Variants in SUGCT observed in about 807,000 individuals in gnomAD.
SUGCT encodes the protein succinyl-CoA:glutarate-CoA transferase.
In SUGCT, 41 loss-of-function variants were observed where a neutral mutation model predicts 55.0. The ratio of observed to expected loss-of-function variants is 0.74; its 90% CI spans 0.58 to 0.97. The LOEUF is 0.97. Ranked by LOEUF, SUGCT falls within the 50% of genes least tolerant of loss-of-function variation. The pLI, the probability that SUGCT is intolerant of heterozygous loss-of-function variation, is 0.00. For missense variants in SUGCT, 568 were observed against 547.8 expected, an observed-to-expected ratio of 1.04 and a Z score of -0.37; for synonymous variants, 187 against 200.4, an observed-to-expected ratio of 0.93 and a Z score of 0.56.
chr7:40,606,794 C>T (rs1798554889), intron 12 of SUGCT, among the ~76,000 whole-genome samples: 1 of 152,048 alleles, frequency 6.6e-6, no homozygotes, highest in African/African-American at 2.4e-5. Flanking sequence ...TAAAAATAAA[C>T]TCTAGATGAA....
At chr7:40,623,711 C>T (rs567461605) in intron 12 of SUGCT, among the ~76,000 whole-genome samples, 12 of 152,136 alleles carry the variant, frequency 7.9e-5, no homozygotes, top group East Asian at 3.9e-4. Context: ...CACATGTGCA[C>T]GCACATGCAC....
At chr7:40,548,118 T>C (rs370839832) in intron 12 of SUGCT, among the ~76,000 whole-genome samples, 49 of 152,076 alleles carry the variant, frequency 3.2e-4, no homozygotes, top group African/African-American at 1.2e-3. Context: ...TCGCATTCTT[T>C]ACTTTTTGTG....
At chr7:40,468,464 C>T (rs1205502863) in intron 11 of SUGCT, among the ~76,000 whole-genome samples, 2 of 152,040 alleles carry the variant, frequency 1.3e-5, no homozygotes, top group Non-Finnish European at 2.9e-5. Context: ...TCTGCCCCTA[C>T]TCTGCTTTTC....
At chr7:40,823,691 T>C (rs1584492682) in intron 13 of SUGCT, among the ~76,000 whole-genome samples, 4 of 152,216 alleles carry the variant, frequency 2.6e-5, no homozygotes, top group Admixed American at 2.6e-4. Flanking sequence ...CCTTTCCTCT[T>C]CCTTCTCCTT....
chr7:40,254,042 T>A lies in SUGCT; in HGVS notation c.576+16316T>A, dbSNP rs182628011. ...CGGATGTTTGTTATTGAAGCTCATATGATATTTCATTCGTTATTTCATAAA... is the reference window on the plus strand; with the variant it reads ...CGGATGTTTGTTATTGAAGCTCATAAGATATTTCATTCGTTATTTCATAAA... On this transcript the variant is annotated intron_variant, in intron 7 of 13. Coordinates refer to ENST00000335693, the MANE Select transcript of SUGCT (RefSeq NM_001193313.2). 1.3e-3 allele frequency among the ~76,000 whole-genome samples: 195 copies of A among 152,362 alleles called. 1 individual carries two copies. The highest frequency in any genetic ancestry group is 3.1e-3 in the East Asian group (16 of 5,188).
At chr7:40,834,776 C>G (rs987661520) in intron 13 of SUGCT, among the ~76,000 whole-genome samples, 2 of 152,030 alleles carry the variant, frequency 1.3e-5, no homozygotes, top group African/African-American at 2.4e-5. Flanking sequence ...TTCTTTTAAC[C>G]GGCAAAAGAA....
At chr7:40,771,759 A>G (rs1336933706) in intron 13 of SUGCT, among the ~76,000 whole-genome samples, 1 of 152,216 alleles carries the variant, frequency 6.6e-6, no homozygotes, top group Non-Finnish European at 1.5e-5. Context: ...GGCTCTTAAA[A>G]ACATGTAATC....
chr7:40,763,057 T>C (rs1788612933), intron 13 of SUGCT, among the ~76,000 whole-genome samples: 2 of 152,166 alleles, frequency 1.3e-5, no homozygotes, highest in South Asian at 2.1e-4. Context: ...CCTCAGGTGA[T>C]CCTCCCACCT....
rs148219656 is a variant in SUGCT, at chr7:40,446,900, T to C, written c.817-2387T>C. On this transcript the variant is annotated intron_variant, in intron 9 of 13. Coordinates refer to ENST00000335693, the MANE Select transcript of SUGCT (RefSeq NM_001193313.2). ...CCACACGTGGCTATTGAATGCTTGA[T>C]ATTTAGCTAGTGTGACTATGGATCT... Among the ~76,000 whole-genome samples the C allele has an allele frequency of 5.0e-3, 769 of 152,318 alleles. 9 individuals carry two copies. Among genetic ancestry groups the C allele is most frequent in the African/African-American group, 0.017 (719 of 41,576 alleles).
chr7:40,763,036 T>G (rs1455606365), intron 13 of SUGCT, among the ~76,000 whole-genome samples: 1 of 151,990 alleles, frequency 6.6e-6, no homozygotes, highest in Non-Finnish European at 1.5e-5. Flanking sequence ...AGGCTGGTCA[T>G]GAACTCCTGA....
chr7:40,917,034 G>A, the SUGCT span, among the ~76,000 whole-genome samples: 1 of 152,202 alleles, frequency 6.6e-6, no homozygotes, highest in Non-Finnish European at 1.5e-5. Context: ...GTCTGACAAA[G>A]TAGCCTGGGA....
At chr7:40,441,372 T>G (rs1345307096) in intron 9 of SUGCT, among the ~76,000 whole-genome samples, 2 of 152,156 alleles carry the variant, frequency 1.3e-5, no homozygotes, top group Non-Finnish European at 2.9e-5. Flanking sequence ...GGATCTTAGT[T>G]GGACCAGACA....
intron 12 of SUGCT, among the ~76,000 whole-genome samples, chr7:40,675,033 A>G (rs1479680502): frequency 6.6e-6 from 1 of 150,428 alleles, no homozygotes; most frequent in Non-Finnish European, 1.5e-5. Flanking sequence ...AGATAATTAT[A>G]TGTAATATTA....
chr7:40,930,302 CA>C, the SUGCT span, among the ~76,000 whole-genome samples: 1 of 152,162 alleles, frequency 6.6e-6, no homozygotes. Flanking sequence ...ATACCAGTAC[CA>C]TGCTGTTTTG....
chr7:40,639,098 T>A (rs976642348), intron 12 of SUGCT, among the ~76,000 whole-genome samples: 2 of 152,224 alleles, frequency 1.3e-5, no homozygotes, highest in Admixed American at 1.3e-4. Flanking sequence ...TTCTGTGGCA[T>A]CTTGTGCAGA....
At chr7:40,268,040 CTT>C (rs1791722995) in intron 7 of SUGCT, among the ~76,000 whole-genome samples, 1 of 151,954 alleles carries the variant, frequency 6.6e-6, no homozygotes, top group Non-Finnish European at 1.5e-5. Context: ...TTTTTTTAAA[CTT>C]TATTTTTCCT....
intron 6 of SUGCT, among the ~76,000 whole-genome samples, chr7:40,229,236 G>C (rs966260659): frequency 1.3e-5 from 2 of 152,088 alleles, no homozygotes; most frequent in African/African-American, 4.8e-5. Flanking sequence ...AAAAGAATAT[G>C]CGCTGGGTGC....
chr7:41,019,930 T>A, the SUGCT span, among the ~76,000 whole-genome samples: 1 of 152,228 alleles, frequency 6.6e-6, no homozygotes, highest in East Asian at 1.9e-4. Flanking sequence ...TACCTCCCCA[T>A]GAAATGTAAT....
chr7:40,979,214 G>A, the SUGCT span, among the ~76,000 whole-genome samples: 3 of 152,100 alleles, frequency 2.0e-5, no homozygotes. Context: ...ACATCCACAA[G>A]CAAACATCCT....
Sources: gnomAD v4.1 joint callset for allele counts (sites outside exome capture counted in the v4.1 genomes callset) on GRCh38, gnomAD v4.1.1 for gene constraint, MANE v1.5 for transcripts, NCBI Gene and HGNC (gene_info 2026-07-23, HGNC 2026-07-21) for gene names.